PPARGC1A: variants seen among roughly 807,000 people sequenced by gnomAD.
The protein encoded by PPARGC1A is peroxisome proliferator-activated receptor gamma coactivator 1-alpha.
PPARGC1A carries 25 observed loss-of-function variants against 88.7 expected under a neutral mutation model. The observed-to-expected ratio is 0.28, with a 90% CI of 0.21 to 0.39. The LOEUF (loss-of-function observed/expected upper bound fraction) is 0.39. Ranked by LOEUF, PPARGC1A falls within the 10% of genes least tolerant of loss-of-function variation. PPARGC1A has a pLI of 1.00. For synonymous variants in PPARGC1A, 363 were observed against 355.6 expected, an observed-to-expected ratio of 1.02 and a Z score of -0.24; for missense variants, 880 against 968.7, an observed-to-expected ratio of 0.91 and a Z score of 1.22.
chr4:23,924,160 T>C, the PPARGC1A span, among the ~76,000 whole-genome samples: 1 of 152,244 alleles, frequency 6.6e-6, no homozygotes, highest in Admixed American at 6.5e-5. Flanking sequence ...ATTCATTGCA[T>C]GTTGCTGAAA....
At chr4:24,470,648 C>A in the PPARGC1A span, among the ~76,000 whole-genome samples, 1 of 151,956 alleles carries the variant, frequency 6.6e-6, no homozygotes. This position sits in a 1 kb window ranked among gnomAD's most constrained non-coding sequence, Gnocchi z 5.8. Flanking sequence ...TCACTCCGCG[C>A]GCCTGGGCTG....
chr4:23,934,694 C>A, the PPARGC1A span, among the ~76,000 whole-genome samples: 1 of 152,114 alleles, frequency 6.6e-6, no homozygotes, highest in Non-Finnish European at 1.5e-5. Flanking sequence ...TTGCAAAAAA[C>A]CCAGCAAAAC....
chr4:24,356,437 T>A, the PPARGC1A span, among the ~76,000 whole-genome samples: 3 of 152,298 alleles, frequency 2.0e-5, no homozygotes, highest in Middle Eastern at 3.4e-3. Context: ...ACCTGAGTTA[T>A]CCCACTATAT....
chr4:23,993,664 A>C, the PPARGC1A span, among the ~76,000 whole-genome samples: 27 of 152,122 alleles, frequency 1.8e-4, no homozygotes, highest in African/African-American at 6.0e-4. Context: ...AGCTCAGCTC[A>C]TCAGGGCTAC....
In PPARGC1A at chr4:23,794,230, T is replaced by C. The variant is rs1380287281; in HGVS notation, c.*1592A>G. 1 of 152,500 alleles carries C rather than the reference T, an allele frequency of 6.6e-6. No individual in the cohort carries two copies. The highest frequency in any genetic ancestry group is 1.5e-5 in the Non-Finnish European group (1 of 67,992). The allele number at this position is 152,500 out of a possible 1,614,324, so 9.4% of individuals were successfully genotyped here. ...TCAAAACTACTGTTGATAGAGAAAA[T>C]AAAAACATTTCTTAATGGTTACCCA... is the stretch of plus-strand genomic sequence containing the variant. On this transcript the variant is annotated 3_prime_UTR_variant, in exon 13 of 13. Transcript: ENST00000264867.
the PPARGC1A span, among the ~76,000 whole-genome samples, chr4:24,398,568 C>T: frequency 6.6e-6 from 1 of 151,834 alleles, no homozygotes; most frequent in Non-Finnish European, 1.5e-5. Flanking sequence ...ATTTATTTAC[C>T]ATGTCCTCTT....
upstream of PPARGC1A, among the ~76,000 whole-genome samples, chr4:23,902,613 G>A (rs1006491900): frequency 1.3e-5 from 2 of 152,150 alleles, no homozygotes; most frequent in Admixed American, 6.5e-5. Context: ...AGAGCTGACC[G>A]TACTCTAGGA....
the PPARGC1A span, among the ~76,000 whole-genome samples, chr4:24,457,694 G>A: frequency 4.6e-5 from 7 of 151,952 alleles, no homozygotes; most frequent in South Asian, 2.1e-4. Flanking sequence ...ACAGGCACCC[G>A]ACACCACGCC....
chr4:24,206,561 G>A, the PPARGC1A span, among the ~76,000 whole-genome samples: 1 of 152,168 alleles, frequency 6.6e-6, no homozygotes, highest in Non-Finnish European at 1.5e-5. Flanking sequence ...AGGGGGCATG[G>A]TGGCTCATGC....
chr4:24,164,565 C>T, the PPARGC1A span, among the ~76,000 whole-genome samples: 17 of 137,596 alleles, frequency 1.2e-4, no homozygotes, highest in South Asian at 2.3e-3. Context: ...TGTATATATA[C>T]ACACACACAC....
the PPARGC1A span, among the ~76,000 whole-genome samples, chr4:24,438,628 C>T: frequency 9.7e-4 from 147 of 152,194 alleles, no homozygotes; most frequent in Middle Eastern, 6.8e-3. Context: ...TGTGTTTTGG[C>T]GCTATAATGA....
the PPARGC1A span, among the ~76,000 whole-genome samples, chr4:24,449,340 G>A: frequency 2.6e-5 from 4 of 152,200 alleles, no homozygotes; most frequent in Non-Finnish European, 5.9e-5. Context: ...TAATTGGTCT[G>A]TTCCTGTGCA....
intron 7 of PPARGC1A, among the ~76,000 whole-genome samples, chr4:23,819,133 C>T (rs1722527844): frequency 6.6e-6 from 1 of 152,090 alleles, no homozygotes; most frequent in South Asian, 2.1e-4. Flanking sequence ...CTGATATTCA[C>T]TGAGTACCAA....
chr4:24,112,149 G>A, the PPARGC1A span, among the ~76,000 whole-genome samples: 1 of 152,132 alleles, frequency 6.6e-6, no homozygotes, highest in Non-Finnish European at 1.5e-5. Flanking sequence ...TCTAAGTCAG[G>A]AATGACAAGC....
the PPARGC1A span, among the ~76,000 whole-genome samples, chr4:23,971,883 T>A: frequency 6.6e-6 from 1 of 152,340 alleles, no homozygotes; most frequent in South Asian, 2.1e-4. Flanking sequence ...CCAGACCATG[T>A]GTTTCAGGCA....
chr4:23,933,851 C>G, the PPARGC1A span, among the ~76,000 whole-genome samples: 1 of 152,226 alleles, frequency 6.6e-6, no homozygotes, highest in Non-Finnish European at 1.5e-5. Flanking sequence ...GGCAAAGCAA[C>G]TCGGTCTTTG....
chr4:23,932,674 T>G, the PPARGC1A span, among the ~76,000 whole-genome samples: 1 of 151,930 alleles, frequency 6.6e-6, no homozygotes, highest in Non-Finnish European at 1.5e-5. Flanking sequence ...AATAAAAAAC[T>G]GTATTTAGTA....
At chr4:24,352,053 T>C in the PPARGC1A span, among the ~76,000 whole-genome samples, 11 of 152,050 alleles carry the variant, frequency 7.2e-5, no homozygotes, top group African/African-American at 1.4e-4. Context: ...GCCAGGGGGA[T>C]TGATTTGGGG....
At chr4:24,194,656 A>C in the PPARGC1A span, among the ~76,000 whole-genome samples, 2 of 19,414 alleles carry the variant, frequency 1.0e-4, no homozygotes, top group Non-Finnish European at 3.0e-4. Flanking sequence ...ACACACACAC[A>C]CACACACACA....
Sources: gnomAD v4.1 joint callset for allele counts (sites outside exome capture counted in the v4.1 genomes callset) on GRCh38, gnomAD v4.1.1 for gene constraint, Gnocchi (gnomAD v3.1) non-coding constraint, MANE v1.5 for transcripts, NCBI Gene and HGNC (gene_info 2026-07-23, HGNC 2026-07-21) for gene names.